The following TRPS1 variants were observed in gnomAD, a reference collection of about 807,000 sequenced individuals.
TRPS1 encodes the protein transcriptional repressor GATA binding 1, also known as zinc finger transcription factor Trps1.
In TRPS1, 6 loss-of-function variants were observed where a neutral mutation model predicts 101.2. The ratio of observed to expected loss-of-function variants is 0.06; its 90% confidence interval spans 0.03 to 0.12. TRPS1 has a LOEUF of 0.12. Ranked by LOEUF, TRPS1 falls within the 10% of genes least tolerant of loss-of-function variation. TRPS1 has a pLI of 1.00. For synonymous variants in TRPS1, 578 were observed against 589.8 expected (o/e 0.98, Z 0.29); for missense variants, 1,363 against 1,567.0 (o/e 0.87, Z 2.20).
intron 5 of TRPS1, among the ~76,000 whole-genome samples, chr8:115,585,735 C>T (rs1421984776): frequency 6.6e-6 from 1 of 152,130 alleles, no homozygotes; most frequent in African/African-American, 2.4e-5. Flanking sequence ...CCCGAAGTTA[C>T]TCCTAATAAA....
intron 5 of TRPS1, among the ~76,000 whole-genome samples, chr8:115,557,885 T>C (rs1264193481): frequency 6.6e-6 from 1 of 152,120 alleles, no homozygotes; most frequent in Non-Finnish European, 1.5e-5. Context: ...ATCTCAGAGT[T>C]AGGGAAGAGT....
chr8:115,623,689 G>C lies in TRPS1; in HGVS notation c.-52C>G, dbSNP rs762719375. ...ATTAATTCTATTAGTCAACTAGCAG[G>C]AGGCTAATGCAATTGTCTTAGAAGA... On this transcript the variant is annotated 5_prime_UTR_variant, in exon 2 of 7. Coordinates refer to ENST00000395715, the MANE Select transcript of TRPS1 (RefSeq NM_014112.5). 5.0e-6 allele frequency: 8 copies of C among 1,599,106 alleles called. No individual in the cohort carries two copies. The African/African-American group carries it at 1.1e-4, about 21-fold the overall frequency.
At chr8:115,660,530 A>C (rs1811768610) in intron 1 of TRPS1, among the ~76,000 whole-genome samples, 1 of 151,896 alleles carries the variant, frequency 6.6e-6, no homozygotes, top group Non-Finnish European at 1.5e-5. Flanking sequence ...GATTTATGAT[A>C]CTATACTACT....
intron 5 of TRPS1, among the ~76,000 whole-genome samples, chr8:115,450,144 G>A (rs886459775): frequency 1.3e-5 from 2 of 152,120 alleles, no homozygotes; most frequent in Admixed American, 6.5e-5. Context: ...ATTAGGAGAA[G>A]TACTATTCCA....
At chr8:115,555,052 G>T (rs74376682) in intron 5 of TRPS1, among the ~76,000 whole-genome samples, 2 of 152,148 alleles carry the variant, frequency 1.3e-5, no homozygotes, top group African/African-American at 2.4e-5. Context: ...TCTTCCCAAA[G>T]TATCTGTGGG....
Position 115,619,718 on chromosome 8 carries a change from G to A in TRPS1, c.380C>T (p.Ser127Leu), listed in dbSNP as rs1563649043. 1 of 1,614,206 alleles carries A rather than the reference G, an allele frequency of 6.2e-7. No individual in the cohort carries two copies. Among genetic ancestry groups the A allele is most frequent in the East Asian group, 2.2e-5 (1 of 44,870 alleles). Reference protein sequence around the residue: ...EVTDRNMLAFSSPAAGGVCEP... With the variant: ...EVTDRNMLAFLSPAAGGVCEP... ...ACAGACTCCCCCAGCAGCTGGAGAT[G>A]AGAAAGCCAACATATTTCTGTCTGT... The change falls in exon 3 of 7, where the codon TCA becomes TTA. Residue 127 changes from serine (S) to leucine (L), a missense_variant. Coordinates refer to ENST00000395715, the MANE Select transcript of TRPS1 (RefSeq NM_014112.5).
intron 5 of TRPS1, among the ~76,000 whole-genome samples, chr8:115,431,095 C>T (rs1813308013): frequency 6.6e-6 from 1 of 151,910 alleles, no homozygotes; most frequent in African/African-American, 2.4e-5. Context: ...TCTCTCAATT[C>T]ACATACATAC....
chr8:115,556,042 A>G (rs1055465532), intron 5 of TRPS1, among the ~76,000 whole-genome samples: 3 of 152,082 alleles, frequency 2.0e-5, no homozygotes, highest in Non-Finnish European at 4.4e-5. Flanking sequence ...AATAAAATAA[A>G]GTAAAAAGAA....
chr8:115,518,831 C>T (rs2130218023), intron 5 of TRPS1, among the ~76,000 whole-genome samples: 1 of 151,980 alleles, frequency 6.6e-6, no homozygotes, highest in East Asian at 1.9e-4. Flanking sequence ...GAAATTTAAA[C>T]TTCTTCTCAC....
intron 5 of TRPS1, among the ~76,000 whole-genome samples, chr8:115,506,175 A>G (rs996089561): frequency 3.9e-5 from 6 of 152,192 alleles, no homozygotes; most frequent in Admixed American, 6.5e-5. Flanking sequence ...AAAGAAATAT[A>G]AAGGAAATAA....
chr8:115,519,156 C>T (rs555165968), intron 5 of TRPS1, among the ~76,000 whole-genome samples: 2 of 150,986 alleles, frequency 1.3e-5, no homozygotes, highest in East Asian at 1.9e-4. Context: ...GTAGTATTTT[C>T]GTGGACAGTA....
intron 1 of TRPS1, among the ~76,000 whole-genome samples, chr8:115,646,257 T>G (rs966701561): frequency 6.6e-6 from 1 of 152,102 alleles, no homozygotes; most frequent in African/African-American, 2.4e-5. Context: ...AGCCTATGGG[T>G]GAGAAGACTG....
intron 5 of TRPS1, among the ~76,000 whole-genome samples, chr8:115,491,710 A>AAAGC (rs1024081079): frequency 2.6e-5 from 4 of 152,190 alleles, no homozygotes; most frequent in African/African-American, 9.6e-5. Flanking sequence ...AGAGAGAGAG[A>AAAGC]AAGCAAGCAA....
At chr8:115,499,119 T>C (rs1815239027) in intron 5 of TRPS1, among the ~76,000 whole-genome samples, 1 of 152,188 alleles carries the variant, frequency 6.6e-6, no homozygotes, top group Non-Finnish European at 1.5e-5. Context: ...TAAAAGAGTA[T>C]ACTAAAGAGC....
rs1159988969 is a variant in TRPS1, at chr8:115,455,773, T to TTCTTTCTG, written c.2701-37322_2701-37321insCAGAAAGA. On this transcript the variant is annotated intron_variant, in intron 5 of 6. Transcript: ENST00000395715. ...TTTTTCTTTTTCTTTCTTTCTTTCTTTCTTTTTTTTTTTTTTTTTGAGACA... is the reference window on the plus strand; with the variant it reads ...TTTTTCTTTTTCTTTCTTTCTTTCTTTCTTTCTGTCTTTTTTTTTTTTTTTTTGAGACA... Among the ~76,000 whole-genome samples, 152 of 146,226 alleles carry TTCTTTCTG rather than the reference T, an allele frequency of 1.0e-3. 1 individual carries two copies. Among genetic ancestry groups the TTCTTTCTG allele is most frequent in the South Asian group, 6.4e-3 (30 of 4,696 alleles).
At chr8:115,589,261 A>C (rs189665646) in intron 4 of TRPS1, among the ~76,000 whole-genome samples, 153 of 152,314 alleles carry the variant, frequency 1.0e-3, no homozygotes, top group Non-Finnish European at 1.7e-3. Context: ...TCAAAGGTAA[A>C]GGAAGGCAAT....
chr8:115,460,486 AATAG>A (rs1451990276), intron 5 of TRPS1, among the ~76,000 whole-genome samples: 2 of 152,200 alleles, frequency 1.3e-5, no homozygotes, highest in African/African-American at 4.8e-5. Flanking sequence ...ACCCCTGAAT[AATAG>A]ATAAATATTT....
chr8:115,522,731 A>G (rs1310442517), intron 5 of TRPS1, among the ~76,000 whole-genome samples: 1 of 152,156 alleles, frequency 6.6e-6, no homozygotes, highest in East Asian at 1.9e-4. Flanking sequence ...TAAATTCGAC[A>G]TATTTTTAAT....
chr8:115,585,288 A>G (rs527398358), intron 5 of TRPS1, among the ~76,000 whole-genome samples: 1 of 152,346 alleles, frequency 6.6e-6, no homozygotes, highest in South Asian at 2.1e-4. Flanking sequence ...TTGCTCAAAA[A>G]ATGCAACCAC....
Sources: gnomAD v4.1 joint callset for allele counts (sites outside exome capture counted in the v4.1 genomes callset) on GRCh38, gnomAD v4.1.1 for gene constraint, MANE v1.5 for transcripts, NCBI Gene and HGNC (gene_info 2026-07-23, HGNC 2026-07-21) for gene names.